TRIO: variants seen among roughly 807,000 people sequenced by gnomAD.
TRIO encodes the protein triple functional domain protein.
A neutral mutation model predicts 351.9 loss-of-function variants in TRIO; 58 were observed. That is an observed-to-expected ratio of 0.16 (90% confidence interval 0.13 to 0.21). The LOEUF (loss-of-function observed/expected upper bound fraction) is 0.21, where lower values mean the gene tolerates loss of function less well. Among genes scored for constraint, TRIO ranks in the 10% least tolerant of loss-of-function variants. The pLI is 1.00. For synonymous variants in TRIO, 1,758 were observed against 1,595.7 expected (o/e 1.10, Z -2.42); for missense variants, 3,201 against 4,027.8 (o/e 0.79, Z 5.56).
At chr5:14,414,878 T>G (rs986999995) in intron 33 of TRIO, among the ~76,000 whole-genome samples, 8 of 152,234 alleles carry the variant, frequency 5.3e-5, no homozygotes, top group South Asian at 2.1e-4. Flanking sequence ...TCCGTGAAGT[T>G]GCCCTGTGGA....
At chr5:14,313,850 A>G (rs1394235746) in intron 8 of TRIO, among the ~76,000 whole-genome samples, 1 of 152,212 alleles carries the variant, frequency 6.6e-6, no homozygotes, top group Non-Finnish European at 1.5e-5. Context: ...ATTCCCATTC[A>G]ACATTTTTTA....
chr5:14,481,656 C>T, intron 45 of TRIO, 38 bp downstream of exon 45: 1 of 1,599,962 alleles, frequency 6.3e-7, no homozygotes, highest in Non-Finnish European at 8.6e-7. Context: ...GCTCCTCTGC[C>T]TTCATCTCTT....
At chr5:14,462,672 C>G (rs1753917362) in intron 35 of TRIO, 83 bp from the exon 36 acceptor site, 1 of 1,564,486 alleles carries the variant, frequency 6.4e-7, no homozygotes, top group Non-Finnish European at 8.7e-7. Context: ...GTCTCTGTCC[C>G]CACCTTGCTT....
intron 1 of TRIO, among the ~76,000 whole-genome samples, chr5:14,216,146 G>A (rs528183678): frequency 4.3e-4 from 66 of 152,298 alleles, no homozygotes; most frequent in Non-Finnish European, 7.6e-4. Flanking sequence ...TTGTGATGGG[G>A]ACTCATCCTT....
intron 9 of TRIO, among the ~76,000 whole-genome samples, chr5:14,328,560 C>G (rs1217191852): frequency 6.6e-6 from 1 of 152,196 alleles, no homozygotes; most frequent in African/African-American, 2.4e-5. Flanking sequence ...AAATAATGTA[C>G]CGAATACATT....
chr5:14,499,065 GGGAAA>G (rs1757096450), intron 53 of TRIO: 1 of 162,998 alleles, frequency 6.1e-6, no homozygotes. Context: ...GAATGTGCAT[GGGAAA>G]AGCAGGAAAG....
chr5:14,172,296 G>A (rs1789145624), intron 1 of TRIO, among the ~76,000 whole-genome samples: 1 of 152,248 alleles, frequency 6.6e-6, no homozygotes, highest in South Asian at 2.1e-4. Flanking sequence ...GAAGCAGGAA[G>A]TGCAGCAGAT....
chr5:14,256,934 A>G (rs1795053719), intron 1 of TRIO, among the ~76,000 whole-genome samples: 1 of 152,242 alleles, frequency 6.6e-6, no homozygotes, highest in Non-Finnish European at 1.5e-5. Context: ...ATAGTGGGCC[A>G]AGGGTGTGGC....
At chr5:14,276,664 C>T (rs887640047) in intron 2 of TRIO, among the ~76,000 whole-genome samples, 14 of 152,270 alleles carry the variant, frequency 9.2e-5, no homozygotes, top group African/African-American at 2.9e-4. Flanking sequence ...TTGAAACAAG[C>T]GCTATGGAGA....
At chr5:14,349,024 A>G (rs370128949) in intron 11 of TRIO, among the ~76,000 whole-genome samples, 229 of 112,010 alleles carry the variant, frequency 2.0e-3, no homozygotes, top group African/African-American at 7.4e-3. Context: ...TTGTGTGTTT[A>G]TTTATGTGTA....
chr5:14,176,947 T>C (rs1789441702), intron 1 of TRIO, among the ~76,000 whole-genome samples: 1 of 152,254 alleles, frequency 6.6e-6, no homozygotes, highest in Admixed American at 6.5e-5. Flanking sequence ...AATATTATAA[T>C]AGATTCATTT....
At position 14,148,837 on chromosome 5, in the gene TRIO, T is replaced by C. The variant is rs147248516; in HGVS notation, c.157+4955T>C. Among the ~76,000 whole-genome samples the C allele has an allele frequency of 1.9e-3, 286 of 152,328 alleles. 1 individual carries two copies. Among genetic ancestry groups the C allele is most frequent in the African/African-American group, 6.7e-3 (278 of 41,572 alleles). Reference sequence around the variant, plus strand: ...GATGGAGATGCTGTCTTTTGAATCTTCTCAGCCTCATTTTAATTAATGGGC... The same window carrying C: ...GATGGAGATGCTGTCTTTTGAATCTCCTCAGCCTCATTTTAATTAATGGGC... On this transcript the variant is annotated intron_variant, in intron 1 of 56. Coordinates refer to ENST00000344204, the MANE Select transcript of TRIO (RefSeq NM_007118.4).
In TRIO at chr5:14,471,353, C is replaced by T. The variant is rs1170243602; in HGVS notation, c.5799C>T (p.Asp1933=). The T allele has an allele frequency of 3.1e-6, 5 of 1,613,930 alleles. No homozygotes were observed. The highest frequency in any genetic ancestry group is 3.4e-6 in the Non-Finnish European group (4 of 1,180,006). The change falls in exon 38 of 57, where the codon GAC becomes GAT. Residue 1933 remains aspartate, a synonymous_variant. Transcript: ENST00000344204. Reference sequence around the variant, plus strand: ...ATCGCCCCAGCTCACTCCTTGTTGACCAGGGAGATAGTAGCAGCCCTTCCT... The same window carrying T: ...ATCGCCCCAGCTCACTCCTTGTTGATCAGGGAGATAGTAGCAGCCCTTCCT... ...LEDRPSSLLV[D]QGDSSSPSFN...
chr5:14,326,284 A>G (rs774888392), intron 9 of TRIO, among the ~76,000 whole-genome samples: 78 of 152,370 alleles, frequency 5.1e-4, no homozygotes, highest in Non-Finnish European at 1.0e-3. Context: ...TCATGCCACC[A>G]TCACGTTCAG....
chr5:14,416,674 G>T (rs1026023455), intron 33 of TRIO, among the ~76,000 whole-genome samples: 1 of 152,138 alleles, frequency 6.6e-6, no homozygotes, highest in Non-Finnish European at 1.5e-5. Context: ...CTCTTTAAGG[G>T]CCTAAAAAAT....
At chr5:14,484,391 T>C (rs767833317) in intron 46 of TRIO, among the ~76,000 whole-genome samples, 1 of 152,166 alleles carries the variant, frequency 6.6e-6, no homozygotes, top group Non-Finnish European at 1.5e-5. Flanking sequence ...CAGACGCATA[T>C]TTCTAGTTAA....
At chr5:14,327,267 C>T (rs774653742) in intron 9 of TRIO, among the ~76,000 whole-genome samples, 17 of 152,104 alleles carry the variant, frequency 1.1e-4, no homozygotes, top group Non-Finnish European at 4.4e-5. Flanking sequence ...CAGGTTCAAG[C>T]GATTCTCCTG....
intron 7 of TRIO, among the ~76,000 whole-genome samples, chr5:14,303,285 G>T: frequency 6.8e-6 from 1 of 146,082 alleles, no homozygotes; most frequent in Non-Finnish European, 1.5e-5. Flanking sequence ...GATGGAGGGT[G>T]GCAGTGGAGG....
At chr5:14,270,724 G>A (rs1795930527) in intron 1 of TRIO, 101 bp from the exon 2 acceptor site, 1 of 825,918 alleles carries the variant, frequency 1.2e-6, no homozygotes, top group Non-Finnish European at 2.0e-6. Flanking sequence ...TGATTTAATG[G>A]ATGTGGATAA....
Sources: allele counts gnomAD v4.1 joint callset (sites outside exome capture counted in the v4.1 genomes callset), GRCh38; gene constraint gnomAD v4.1.1; transcripts MANE v1.5; gene names NCBI Gene and HGNC (gene_info 2026-07-23, HGNC 2026-07-21).